TCF12: variants seen among roughly 807,000 people sequenced by gnomAD.
TCF12 encodes the protein DNA-binding protein HTF4.
TCF12 carries 45 observed loss-of-function variants against 86.0 expected under a neutral mutation model. The observed-to-expected ratio is 0.52, with a 90% CI of 0.41 to 0.67. The LOEUF (loss-of-function observed/expected upper bound fraction) is 0.67, where lower values mean the gene tolerates loss of function less well. Among genes scored for constraint, TCF12 ranks in the 30% least tolerant of loss-of-function variants. The probability of loss-of-function intolerance (pLI) is 0.00; values close to 1 mark genes in which losing one functional copy is unlikely to be tolerated. For synonymous variants in TCF12, 330 were observed against 299.6 expected, an observed-to-expected ratio of 1.10 and a Z score of -1.05; for missense variants, 881 against 859.9, an observed-to-expected ratio of 1.02 and a Z score of -0.31.
At chr15:57,024,871 G>A (rs1232028825) in intron 3 of TCF12, among the ~76,000 whole-genome samples, 1 of 152,200 alleles carries the variant, frequency 6.6e-6, no homozygotes, top group Non-Finnish European at 1.5e-5. Context: ...AATTCTTCAA[G>A]CTAGAAGGCT....
At chr15:57,241,382 G>T (rs142694419) in intron 12 of TCF12, among the ~76,000 whole-genome samples, 9 of 151,930 alleles carry the variant, frequency 5.9e-5, no homozygotes, top group Non-Finnish European at 1.0e-4. Flanking sequence ...GTGAGCTACC[G>T]CACCCGGCCT....
intron 5 of TCF12, among the ~76,000 whole-genome samples, chr15:57,111,037 T>C (rs1436816098): frequency 6.6e-6 from 1 of 152,226 alleles, no homozygotes; most frequent in Non-Finnish European, 1.5e-5. Context: ...TTGTGCCTGG[T>C]GTTAGTCCCA....
At chr15:57,194,280 A>G (rs746857644) in intron 7 of TCF12, among the ~76,000 whole-genome samples, 26 of 152,194 alleles carry the variant, frequency 1.7e-4, no homozygotes, top group Non-Finnish European at 3.4e-4. Context: ...ATTGCTGTAC[A>G]CACTACATTT....
chr15:57,184,337 C>T (rs1296207172), intron 6 of TCF12, among the ~76,000 whole-genome samples: 1 of 152,134 alleles, frequency 6.6e-6, no homozygotes, highest in Non-Finnish European at 1.5e-5. Context: ...CCACTTTCTC[C>T]TCTAAGCTCT....
intron 8 of TCF12, among the ~76,000 whole-genome samples, chr15:57,210,764 TA>T (rs1455540383): frequency 1.3e-5 from 2 of 152,210 alleles, no homozygotes; most frequent in Admixed American, 1.3e-4. Context: ...AAAGTTACTG[TA>T]GTGTTGCCAC....
At chr15:57,101,075 C>T (rs2049709693) in intron 5 of TCF12, among the ~76,000 whole-genome samples, 1 of 152,032 alleles carries the variant, frequency 6.6e-6, no homozygotes, top group African/African-American at 2.4e-5. Context: ...GCTTCTTTTT[C>T]TTCTTGGAAA....
At chr15:56,919,826 C>A in intron 1 of TCF12, 66 bp from the exon 2 acceptor site, 1 of 1,436,568 alleles carries the variant, frequency 7.0e-7, no homozygotes, top group Non-Finnish European at 9.7e-7. Context: ...CCCAGTACCT[C>A]TCTCTGTTCC....
chr15:57,223,738 C>T (rs1358858211), intron 8 of TCF12, among the ~76,000 whole-genome samples: 1 of 127,298 alleles, frequency 7.9e-6, no homozygotes, highest in East Asian at 2.6e-4. Flanking sequence ...TTAAAACAAA[C>T]ATTTTCAGTT....
intron 5 of TCF12, among the ~76,000 whole-genome samples, chr15:57,152,854 C>A (rs928025274): frequency 2.0e-5 from 3 of 149,712 alleles, no homozygotes; most frequent in Admixed American, 6.6e-5. Flanking sequence ...AAGAACTCCC[C>A]TCCACACACA....
chr15:57,142,436 A>C (rs1262486099), intron 5 of TCF12, among the ~76,000 whole-genome samples: 6 of 152,384 alleles, frequency 3.9e-5, no homozygotes. Flanking sequence ...CTGGAGCAGC[A>C]TCTTGTTATT....
chr15:57,282,109 C>T (rs2061717338), intron 19 of TCF12: 2 of 336,056 alleles, frequency 6.0e-6, no homozygotes, highest in Non-Finnish European at 1.1e-5. Context: ...TTCAGTGTAC[C>T]GTGTCTTAGT....
intron 5 of TCF12, among the ~76,000 whole-genome samples, chr15:57,143,156 C>G (rs551506241): frequency 7.1e-6 from 1 of 140,108 alleles, no homozygotes; most frequent in South Asian, 2.3e-4. Flanking sequence ...CGTGCCCCCC[C>G]CCACCAAAAA....
rs1597322271 is a variant in TCF12 at position 57,207,642 on chromosome 15, A to G, written c.579+9817A>G. 2.0e-5 allele frequency among the ~76,000 whole-genome samples: 3 copies of G among 152,192 alleles called. No individual in the cohort carries two copies. In the South Asian group the frequency reaches 6.2e-4, roughly 32 times the overall value. On this transcript the variant is annotated intron_variant, in intron 8 of 20. Coordinates refer to ENST00000333725, the MANE Select transcript of TCF12 (RefSeq NM_207037.2). Reference sequence around the variant, plus strand: ...GCCGAGATAAAGATCACACCATTGCACTCCAGCCTGGGCAACAAAAGTAAA... The same window carrying G: ...GCCGAGATAAAGATCACACCATTGCGCTCCAGCCTGGGCAACAAAAGTAAA...
At chr15:57,099,780 A>T (rs947408454) in intron 5 of TCF12, among the ~76,000 whole-genome samples, 6 of 151,964 alleles carry the variant, frequency 3.9e-5, no homozygotes, top group Non-Finnish European at 5.9e-5. Context: ...TGTTTTGTTT[A>T]TATATTATGG....
chr15:57,086,209 G>GATATAATAATA (rs1404728992), intron 4 of TCF12, among the ~76,000 whole-genome samples: 1 of 39,364 alleles, frequency 2.5e-5, no homozygotes, highest in African/African-American at 8.7e-5. Context: ...CTTGGATGAT[G>GATATAATAATA]ATGATAATAA....
chr15:57,257,515 A>T (rs2060398791), intron 16 of TCF12, among the ~76,000 whole-genome samples: 1 of 152,026 alleles, frequency 6.6e-6, no homozygotes, highest in Non-Finnish European at 1.5e-5. Flanking sequence ...TTTTTAATTA[A>T]CTGGGCATGG....
At chr15:56,924,055 C>A (rs1260432988) in intron 3 of TCF12, among the ~76,000 whole-genome samples, 1 of 151,956 alleles carries the variant, frequency 6.6e-6, no homozygotes, top group African/African-American at 2.4e-5. Context: ...GATGTACTTA[C>A]AGGCTTTTTG....
intron 14 of TCF12, among the ~76,000 whole-genome samples, 192 bp downstream of exon 14, chr15:57,251,615 G>T (rs1390956865): frequency 6.6e-6 from 1 of 152,162 alleles, no homozygotes; most frequent in African/African-American, 2.4e-5. Context: ...GGGACATCAG[G>T]CTTCTGGTGT....
intron 20 of TCF12, among the ~76,000 whole-genome samples, chr15:57,285,480 T>C (rs1253128791): frequency 2.6e-5 from 4 of 152,228 alleles, no homozygotes; most frequent in Admixed American, 1.3e-4. Context: ...GAGGACCTAC[T>C]GTGGACCAGG....
Sources: allele counts gnomAD v4.1 joint callset (sites outside exome capture counted in the v4.1 genomes callset), GRCh38; gene constraint gnomAD v4.1.1; transcripts MANE v1.5; gene names NCBI Gene and HGNC (gene_info 2026-07-23, HGNC 2026-07-21).